The following TOPAZ1 variants were observed in gnomAD, a reference collection of about 807,000 sequenced individuals.
TOPAZ1 encodes the protein protein TOPAZ1.
TOPAZ1 carries 66 observed loss-of-function variants against 172.2 expected under a neutral mutation model. The ratio of observed to expected loss-of-function variants is 0.38; its 90% CI spans 0.31 to 0.47. The LOEUF is 0.47. Ranked by LOEUF, TOPAZ1 falls within the 20% of genes least tolerant of loss-of-function variation. TOPAZ1 has a pLI of 0.99. For synonymous variants in TOPAZ1, 681 were observed against 683.9 expected (o/e 1.00, Z 0.07); for missense variants, 1,822 against 1,972.4 (o/e 0.92, Z 1.44).
intron 12 of TOPAZ1, among the ~76,000 whole-genome samples, chr3:44,300,109 AAAAT>A (rs1192360551): frequency 1.3e-4 from 19 of 146,304 alleles, no homozygotes; most frequent in Admixed American, 3.4e-4. Context: ...TAATAATAAT[AAAAT>A]AAATAAATAA....
intron 9 of TOPAZ1, among the ~76,000 whole-genome samples, chr3:44,282,478 C>G (rs995187073): frequency 2.6e-5 from 4 of 152,206 alleles, no homozygotes; most frequent in Non-Finnish European, 5.9e-5. Flanking sequence ...TACCACTTCT[C>G]TCTGTCAGAG....
intron 12 of TOPAZ1, among the ~76,000 whole-genome samples, chr3:44,301,329 G>A (rs1441731904): frequency 6.6e-6 from 1 of 152,078 alleles, no homozygotes; most frequent in Non-Finnish European, 1.5e-5. Context: ...GGTGAAGAGT[G>A]CACAGTGTAC....
chr3:44,276,045 A>T (rs1283348594), intron 8 of TOPAZ1, among the ~76,000 whole-genome samples: 1 of 151,976 alleles, frequency 6.6e-6, no homozygotes, highest in East Asian at 1.9e-4. Context: ...TTTTAATGAG[A>T]TTATTTGCTT....
chr3:44,298,011 G>A (rs955843190), intron 12 of TOPAZ1, among the ~76,000 whole-genome samples: 1 of 152,146 alleles, frequency 6.6e-6, no homozygotes, highest in Non-Finnish European at 1.5e-5. Flanking sequence ...TCATGGGTTG[G>A]GAGACTTAAT....
At chr3:44,254,410 C>T (rs1229027205) in intron 2 of TOPAZ1, among the ~76,000 whole-genome samples, 1 of 152,010 alleles carries the variant, frequency 6.6e-6, no homozygotes, top group Non-Finnish European at 1.5e-5. Flanking sequence ...AATGGATCAC[C>T]TGAGGTCAGG....
intron 16 of TOPAZ1, among the ~76,000 whole-genome samples, chr3:44,313,382 C>T (rs898704431): frequency 1.5e-4 from 23 of 151,868 alleles, no homozygotes; most frequent in South Asian, 4.2e-4. Flanking sequence ...GAGGCCGAGG[C>T]GGGCGGATCA....
At chr3:44,260,450 C>T (rs979432960) in intron 4 of TOPAZ1, among the ~76,000 whole-genome samples, 1 of 152,048 alleles carries the variant, frequency 6.6e-6, no homozygotes, top group Non-Finnish European at 1.5e-5. Context: ...ATAGGAGTTA[C>T]AAGTCACATT....
At chr3:44,248,957 A>C (rs1699597901) in intron 2 of TOPAZ1, among the ~76,000 whole-genome samples, 1 of 152,222 alleles carries the variant, frequency 6.6e-6, no homozygotes, top group African/African-American at 2.4e-5. Context: ...GGGAAAGCCC[A>C]TATTAAAATC....
intron 17 of TOPAZ1, among the ~76,000 whole-genome samples, chr3:44,321,421 G>C (rs953009192): frequency 3.9e-5 from 6 of 152,214 alleles, no homozygotes; most frequent in Admixed American, 3.9e-4. Flanking sequence ...CCTAAGACAA[G>C]CATTTTTATC....
At chr3:44,271,728 A>T (rs1341478773) in intron 8 of TOPAZ1, among the ~76,000 whole-genome samples, 2 of 152,130 alleles carry the variant, frequency 1.3e-5, no homozygotes, top group Non-Finnish European at 2.9e-5. Context: ...CATATCTGTC[A>T]CCTAAGATAC....
intron 8 of TOPAZ1, among the ~76,000 whole-genome samples, chr3:44,272,150 T>C (rs1699905823): frequency 6.6e-6 from 1 of 152,246 alleles, no homozygotes. Context: ...CATCCATTGA[T>C]GGACACTTAG....
chr3:44,325,547 A>C (rs1450689806), intron 18 of TOPAZ1, among the ~76,000 whole-genome samples: 1 of 152,086 alleles, frequency 6.6e-6, no homozygotes, highest in Non-Finnish European at 1.5e-5. Flanking sequence ...CCCTAGTCCT[A>C]GGCAACAACT....
In TOPAZ1 at chr3:44,245,164, T is replaced by C; in HGVS notation, c.2658T>C (p.Ser886=). 1 of 1,552,006 alleles carries C rather than the reference T, an allele frequency of 6.4e-7. No homozygotes were observed. The highest frequency in any genetic ancestry group is 8.7e-7 in the Non-Finnish European group (1 of 1,147,060). The change falls in exon 2 of 20, where the codon TCT becomes TCC. Residue 886 remains serine, a synonymous_variant. Coordinates refer to ENST00000309765, the MANE Select transcript of TOPAZ1 (RefSeq NM_001145030.2). The part of the protein sequence containing the change: ...VSNEGELSFT[S]EVPKISQEPN... ...ATGAAGGGGAGCTCTCATTTACTTCTGAGGTCCCAAAGATAAGCCAGGAGC... is the reference window on the plus strand; with the variant it reads ...ATGAAGGGGAGCTCTCATTTACTTCCGAGGTCCCAAAGATAAGCCAGGAGC...
intron 16 of TOPAZ1, 114 bp downstream of exon 16, chr3:44,310,104 C>A: frequency 2.2e-6 from 2 of 926,874 alleles, no homozygotes; most frequent in Non-Finnish European, 3.2e-6. Flanking sequence ...GGTCTAAACC[C>A]TAGTGAACAT....
intron 15 of TOPAZ1, among the ~76,000 whole-genome samples, chr3:44,307,602 G>C (rs990893198): frequency 2.6e-5 from 4 of 152,070 alleles, no homozygotes; most frequent in South Asian, 4.1e-4. Flanking sequence ...AGTTTATATA[G>C]AGAGTAGAGT....
intron 18 of TOPAZ1, among the ~76,000 whole-genome samples, chr3:44,325,156 C>T (rs576276769): frequency 3.3e-5 from 5 of 152,250 alleles, no homozygotes; most frequent in South Asian, 4.1e-4. Context: ...TATATTGGAA[C>T]TCCTTTTGGA....
chr3:44,322,438 T>C (rs1384176679), intron 17 of TOPAZ1, among the ~76,000 whole-genome samples: 1 of 152,210 alleles, frequency 6.6e-6, no homozygotes, highest in East Asian at 1.9e-4. Flanking sequence ...CACAGTTACA[T>C]GTGGGAATCA....
At chr3:44,296,063 G>A (rs560450832) in intron 12 of TOPAZ1, among the ~76,000 whole-genome samples, 3 of 152,200 alleles carry the variant, frequency 2.0e-5, no homozygotes, top group South Asian at 2.1e-4. Flanking sequence ...AACAATGGAG[G>A]TATAATAGGA....
intron 15 of TOPAZ1, among the ~76,000 whole-genome samples, chr3:44,308,651 T>C (rs1700362731): frequency 6.6e-6 from 1 of 151,906 alleles, no homozygotes; most frequent in South Asian, 2.1e-4. Context: ...CAGACTGATT[T>C]TGCTGAAATT....
Sources: gnomAD v4.1 joint callset for allele counts (sites outside exome capture counted in the v4.1 genomes callset) on GRCh38, gnomAD v4.1.1 for gene constraint, MANE v1.5 for transcripts, NCBI Gene and HGNC (gene_info 2026-07-23, HGNC 2026-07-21) for gene names.